The following IL17RB variants were observed in gnomAD, a reference collection of about 807,000 sequenced individuals.
IL17RB encodes the protein interleukin 17 receptor B.
In IL17RB, 36 loss-of-function variants were observed where a neutral mutation model predicts 43.9. The observed-to-expected ratio is 0.82, with a 90% CI of 0.63 to 1.08. The LOEUF is 1.08. Ranked by LOEUF, IL17RB falls within the 50% of genes least tolerant of loss-of-function variation. IL17RB has a pLI of 0.00. For synonymous variants in IL17RB, 225 were observed against 225.4 expected (o/e 1.00, Z 0.02); for missense variants, 613 against 613.6 (o/e 1.00, Z 0.01).
At chr3:53,862,639 G>T (rs895854262) in intron 10 of IL17RB, among the ~76,000 whole-genome samples, 1 of 152,214 alleles carries the variant, frequency 6.6e-6, no homozygotes, top group East Asian at 1.9e-4. Context: ...TGCTGGAGAC[G>T]AGTGCTTCCC....
chr3:53,851,206 C>T (rs993402097), intron 3 of IL17RB, among the ~76,000 whole-genome samples: 2 of 152,096 alleles, frequency 1.3e-5, no homozygotes, highest in Admixed American at 6.6e-5. Context: ...AAATTCAGAT[C>T]GGAAAAAAGT....
chr3:53,859,782 A>G (rs180867183), intron 9 of IL17RB: 120 of 168,916 alleles, frequency 7.1e-4, no homozygotes, highest in African/African-American at 2.8e-3. Context: ...AGACCTGCAC[A>G]CTCTAGGGAA....
chr3:53,848,753 G>A (rs1699028166), intron 2 of IL17RB, 65 bp downstream of exon 2: 3 of 1,529,678 alleles, frequency 2.0e-6, no homozygotes, highest in Non-Finnish European at 2.7e-6. Context: ...CTTTTAGGAA[G>A]CCTAATATAG....
chr3:53,848,667 G>A lies in IL17RB; in HGVS notation c.64G>A (p.Val22Ile), dbSNP rs140254923. Residue 22 changes from valine to isoleucine, a missense_variant, in exon 2 of 11, where the codon GTT becomes ATT. Coordinates refer to ENST00000288167, the MANE Select transcript of IL17RB (RefSeq NM_018725.4). The part of the protein sequence containing the change: ...CRSAVPREPT[V>I]QCGSETGPSP... The stretch of plus-strand genomic sequence containing the variant: ...CTTGGTTTTTTCTCTCCCACAGACC[G>A]TTCAATGTGGCTCTGAAACTGGTAG... The A allele has an allele frequency of 8.2e-5, 133 of 1,613,916 alleles. No individual in the cohort carries two copies. The African/African-American group carries it at 8.5e-4, about 10-fold the overall frequency.
Position 53,860,157 on chromosome 3 carries a change from C to T in IL17RB, c.875C>T (p.Pro292Leu). 3 of 1,613,994 alleles carry T rather than the reference C, an allele frequency of 1.9e-6. No individual in the cohort carries two copies. Among genetic ancestry groups the T allele is most frequent in the Non-Finnish European group, 2.5e-6 (3 of 1,179,896 alleles). ...AAAAGCAAGCCGGGAGGCTGGCTGC[C>T]TCTCCTCCTGCTGTCTCTGCTGGTG... ...NNKSKPGGWL[P>L]LLLLSLLVAT... The change falls in exon 10 of 11, where the codon CCT (proline) becomes CTT (leucine). Residue 292 changes from proline (P) to leucine (L), a missense_variant. Transcript: ENST00000288167.
intron 4 of IL17RB, 29 bp from the exon 5 acceptor site, chr3:53,852,842 A>G (rs879839565): frequency 6.2e-7 from 1 of 1,610,528 alleles, no homozygotes; most frequent in Non-Finnish European, 8.5e-7. Flanking sequence ...GTGTTTTGGG[A>G]ATTGAGAGTT....
intron 8 of IL17RB, chr3:53,858,486 G>C: frequency 7.3e-7 from 1 of 1,375,416 alleles, no homozygotes; most frequent in Non-Finnish European, 9.4e-7. Flanking sequence ...TGTTAGTAAC[G>C]TGTACAAAGT....
rs759395877 is a variant in IL17RB, at chr3:53,849,714, C to T, written c.145C>T (p.Arg49Ter). The T allele has an allele frequency of 2.3e-5, 37 of 1,612,744 alleles. No individual in the cohort carries two copies. Among genetic ancestry groups the T allele is most frequent in the South Asian group, 1.8e-4 (16 of 90,810 alleles). The change falls in exon 3 of 11, where the codon CGA (arginine) becomes TGA (stop). Residue 49 changes from arginine to a stop codon, truncating the protein, a stop_gained. Transcript: ENST00000288167. LOFTEE classifies it high-confidence loss of function. ...DLIPGDLRDL[R>*]VEPVTTSVAT... is the part of the protein sequence containing the mutation. ...AATCCCCGGAGACTTGAGGGACCTC[C>T]GAGTAGAACCTGTTACAACTAGTGT...
rs200890499 is a variant in IL17RB at position 53,856,912 on chromosome 3, A to G, written c.598A>G (p.Thr200Ala). 10 of 1,614,120 alleles carry G rather than the reference A, an allele frequency of 6.2e-6. No individual in the cohort carries two copies. The highest frequency in any genetic ancestry group is 1.7e-5 in the Admixed American group (1 of 60,024). Residue 200 changes from threonine (T) to alanine (A), a missense_variant, in exon 7 of 11, where the codon ACC (threonine) becomes GCC (alanine). Transcript: ENST00000288167. ...NEETVEVNFT[T>A]TPLGNRYMAL... Reference sequence around the variant, plus strand: ...GGAGACAGTAGAAGTGAACTTCACAACCACTCCCCTGGGAAACAGATACAT... The same window carrying G: ...GGAGACAGTAGAAGTGAACTTCACAGCCACTCCCCTGGGAAACAGATACAT...
rs1440811390 is a variant in IL17RB at position 53,857,623 on chromosome 3, A to G, written c.680A>G (p.Gln227Arg). ...IGFSQVFEPH[Q>R]KKQTRASVVI... ...GACTCTCTCTCTCTTAAGCCACACC[A>G]GAAGAAACAAACGCGAGCTTCAGTG... Residue 227 changes from glutamine (Q) to arginine (R), a missense_variant, in exon 8 of 11, where the codon CAG becomes CGG. Coordinates refer to ENST00000288167, the MANE Select transcript of IL17RB (RefSeq NM_018725.4). 1 of 1,614,150 alleles carries G rather than the reference A, an allele frequency of 6.2e-7. No homozygotes were observed. The highest frequency in any genetic ancestry group is 8.5e-7 in the Non-Finnish European group (1 of 1,179,954).
chr3:53,846,644 A>G lies in IL17RB; in HGVS notation c.56A>G (p.Glu19Gly), dbSNP rs752306444. 1.9e-6 allele frequency: 3 copies of G among 1,589,992 alleles called. No homozygotes were observed. Among genetic ancestry groups the G allele is most frequent in the Non-Finnish European group, 2.6e-6 (3 of 1,171,506 alleles). The change falls in exon 1 of 11, where the codon GAG becomes GGG. Residue 19 changes from glutamate to glycine, a missense_variant. Glu to Gly is a moderately conservative substitution (Grantham distance 98). Transcript: ENST00000288167. ...AALCRSAVPR[E>G]PTVQCGSETG... The stretch of plus-strand genomic sequence containing the variant: ...CTGTGCAGGAGCGCCGTACCCCGAG[A>G]GCCGGTAAGCCCCCGCCAGCACCTC...
In IL17RB at chr3:53,848,939, G is replaced by A. The variant is rs1223585689; in HGVS notation, c.85+251G>A. Reference sequence around the variant, plus strand: ...GGACTTGCCATACAAGGTGGAAAGTGATGCCTGCCACTCTGCAGAGGGAGA... The same window carrying A: ...GGACTTGCCATACAAGGTGGAAAGTAATGCCTGCCACTCTGCAGAGGGAGA... On this transcript the variant is annotated intron_variant, in intron 2 of 10. Transcript: ENST00000288167. Among the ~76,000 whole-genome samples the A allele has an allele frequency of 1.3e-5, 2 of 152,220 alleles. 1 individual carries two copies. Among genetic ancestry groups the A allele is most frequent in the African/African-American group, 4.8e-5 (2 of 41,464 alleles).
chr3:53,850,335 A>G (rs1699091025), intron 3 of IL17RB, among the ~76,000 whole-genome samples: 2 of 151,522 alleles, frequency 1.3e-5, no homozygotes, highest in Admixed American at 1.3e-4. Context: ...CATCTCTACT[A>G]AGAATACAAA....
chr3:53,857,035 T>A, intron 7 of IL17RB, 49 bp downstream of exon 7: 1 of 1,596,444 alleles, frequency 6.3e-7, no homozygotes, highest in Non-Finnish European at 8.6e-7. Context: ...CTTTCCTTAG[T>A]GTGTTGAAGG....
At position 53,865,612 on chromosome 3, in the gene IL17RB, GACCATGCATTGCAGTGT is replaced by G; in HGVS notation, c.*308_*324del. The G allele has an allele frequency of 3.3e-6, 1 of 306,442 alleles. No homozygotes were observed. The highest frequency in any genetic ancestry group is 6.7e-5 in the East Asian group (1 of 14,910). The allele number at this position is 306,442 out of a possible 1,614,324, so 19.0% of individuals were successfully genotyped here. A position where few individuals can be genotyped will look rare whatever the true frequency, so the allele number is the denominator to read the frequency against. ...TCAGCCAAACATCTAGTCTTCCATA[GACCATGCATTGCAGTGT>G]ACCCAGAACTGTTTAGCTAATATTC... On this transcript the variant is annotated 3_prime_UTR_variant, in exon 11 of 11. Coordinates refer to ENST00000288167, the MANE Select transcript of IL17RB (RefSeq NM_018725.4).
chr3:53,862,441 A>T (rs1699597430), intron 10 of IL17RB, among the ~76,000 whole-genome samples: 1 of 152,232 alleles, frequency 6.6e-6, no homozygotes, highest in Admixed American at 6.5e-5. Context: ...CTGAAACAAT[A>T]AATTCCTGCA....
chr3:53,857,310 G>C (rs530902856), intron 7 of IL17RB, among the ~76,000 whole-genome samples: 1 of 152,258 alleles, frequency 6.6e-6, no homozygotes, highest in East Asian at 1.9e-4. Context: ...GGTTGACACA[G>C]GGTCTCACTC....
chr3:53,858,456 T>G, intron 8 of IL17RB: 1 of 1,281,992 alleles, frequency 7.8e-7, no homozygotes, highest in Non-Finnish European at 9.9e-7. Flanking sequence ...ACCTAGCCCT[T>G]TTAGGTAAGC....
chr3:53,864,916 A>AAAAAAG lies in IL17RB; in HGVS notation c.1117_1118insAAAAAG (p.Ile373delinsLysLysVal). 6.2e-7 allele frequency: 1 copy of AAAAAAG among 1,614,226 alleles called. No homozygotes were observed. The highest frequency in any genetic ancestry group is 8.5e-7 in the Non-Finnish European group (1 of 1,180,040). On this transcript the variant is annotated protein_altering_variant, in exon 11 of 11. Coordinates refer to ENST00000288167, the MANE Select transcript of IL17RB (RefSeq NM_018725.4). ...CCTTGAAAAGTGGCAGAAAAAGAAA[A>AAAAAAG]TAGCAGAGATGGGTCCAGTGCAGTG...
Sources: allele counts gnomAD v4.1 joint callset (sites outside exome capture counted in the v4.1 genomes callset), GRCh38; gene constraint gnomAD v4.1.1; transcripts MANE v1.5; gene names NCBI Gene and HGNC (gene_info 2026-07-23, HGNC 2026-07-21).